The following NAA10 variants were observed in gnomAD, a reference collection of about 807,000 sequenced individuals.
NAA10 encodes N-alpha-acetyltransferase 10, NatA catalytic subunit, also known as N-alpha-acetyltransferase 10.
A neutral mutation model predicts 19.2 loss-of-function variants in NAA10; 6 were observed. The ratio of observed to expected loss-of-function variants is 0.31; its 90% CI spans 0.17 to 0.62. The LOEUF is 0.62. NAA10 is among the 20% of genes least tolerant of loss of function. The pLI is 0.83. For synonymous variants in NAA10, 97 were observed against 79.9 expected, an observed-to-expected ratio of 1.21 and a Z score of -1.14; for missense variants, 101 against 198.4, an observed-to-expected ratio of 0.51 and a Z score of 2.95.
chrX:153,932,734 G>A, intron 3 of NAA10, 150 bp from the exon 4 acceptor site: 1 of 549,605 alleles, frequency 1.8e-6, no homozygotes, highest in Non-Finnish European at 3.1e-6. Flanking sequence ...CAGAGCAGCC[G>A]ATCCTGCCAC....
intron 2 of NAA10, 99 bp from the exon 3 acceptor site, chrX:153,934,100 C>T: frequency 1.2e-6 from 1 of 818,616 alleles, no homozygotes. Context: ...TGTGATGGCT[C>T]ATGACCTCCG....
At position 153,933,924 on chromosome X, in the gene NAA10, T is replaced by C; in HGVS notation, c.179+19A>G. ...CCACCAGACACGTGTAGCTTCTGTC[T>C]TCCTCCTTGGTGACTCACATTTTGG... On this transcript the variant is annotated intron_variant, in intron 3 of 7. Coordinates refer to ENST00000464845, the MANE Select transcript of NAA10 (RefSeq NM_003491.4). 8.3e-7 allele frequency: 1 copy of C among 1,203,373 alleles called. No individual in the cohort carries two copies. Among genetic ancestry groups the C allele is most frequent in the Non-Finnish European group, 1.1e-6 (1 of 887,761 alleles).
At chrX:153,934,834 C>G (rs1426232271) in intron 1 of NAA10, 50 bp downstream of exon 1, 110 of 979,305 alleles carry the variant, frequency 1.1e-4, no homozygotes, top group Non-Finnish European at 1.2e-4. Context: ...CGGCAGCCAC[C>G]CGGCCCGGCG....
In NAA10 at chrX:153,932,404, C is replaced by T; in HGVS notation, c.253G>A (p.Gly85Ser). 1 of 1,211,724 alleles carries T rather than the reference C, an allele frequency of 8.3e-7. No individual in the cohort carries two copies. Among genetic ancestry groups the T allele is most frequent in the Non-Finnish European group, 1.1e-6 (1 of 895,353 alleles). Residue 85 changes from glycine (G) to serine (S), a missense_variant, in exon 5 of 8, where the codon GGT becomes AGT. By Grantham distance (56) the Gly-to-Ser change is moderately conservative (BLOSUM62 0). This residue lies in a region of NAA10 where 43 missense variants were observed against 122.6 expected (regional missense o/e 0.35). Coordinates refer to ENST00000464845, the MANE Select transcript of NAA10 (RefSeq NM_003491.4). Reference sequence around the variant, plus strand: ...TGGTCCATCAGTTTCTGAGCCAGACCGAGGCGCCGGTGGGAACGCTTCACA... The same window carrying T: ...TGGTCCATCAGTTTCTGAGCCAGACTGAGGCGCCGGTGGGAACGCTTCACA... ...LAVKRSHRRL[G>S]LAQKLMDQAS...
intron 6 of NAA10, chrX:153,931,053 C>T: frequency 1.8e-6 from 2 of 1,137,178 alleles, no homozygotes; most frequent in Non-Finnish European, 2.3e-6. Flanking sequence ...CCGTCCTGCC[C>T]CCGTTCTGTG....
intron 6 of NAA10, 119 bp downstream of exon 6, chrX:153,931,952 C>T (rs1806521559): frequency 1.7e-6 from 2 of 1,202,615 alleles, no homozygotes; most frequent in Non-Finnish European, 1.1e-6. Flanking sequence ...GGGTCCACAG[C>T]CTCTTCCCCA....
rs987107764 is a variant in NAA10, at chrX:153,931,206, G to A, written c.387-359C>T. ...ACAGCCATCAGAACCCAGGAAAGAC[G>A]GTGAGCCCTGCCTGAGCAGCTCTGG... On this transcript the variant is annotated intron_variant, in intron 6 of 7. Transcript: ENST00000464845. The A allele has an allele frequency of 2.8e-5, 26 of 935,219 alleles. No homozygotes were observed. The East Asian group carries it at 1.4e-3, about 49-fold the overall frequency. 77.1% of individuals were successfully genotyped at this position (935,219 alleles called of 1,213,427 possible). A position where few individuals can be genotyped will look rare whatever the true frequency, so the allele number is the denominator to read the frequency against.
chrX:153,932,524 G>A lies in NAA10; in HGVS notation c.225+15C>T, dbSNP rs1469702824. The A allele has an allele frequency of 8.3e-7, 1 of 1,204,434 alleles. No homozygotes were observed. The highest frequency in any genetic ancestry group is 1.1e-6 in the Non-Finnish European group (1 of 891,508). ...CTTCCACCCCCACCAGAGAGCCTGG[G>A]TGGACCTTACATACCAATGAGGTGA... is the stretch of plus-strand genomic sequence containing the variant. On this transcript the variant is annotated intron_variant, in intron 4 of 7. Transcript: ENST00000464845.
intron 6 of NAA10, chrX:153,931,053 C>A: frequency 8.8e-7 from 1 of 1,137,178 alleles, no homozygotes; most frequent in East Asian, 3.3e-5. Context: ...CCGTCCTGCC[C>A]CCGTTCTGTG....
At chrX:153,932,666 G>T in intron 3 of NAA10, 82 bp from the exon 4 acceptor site, 1 of 912,163 alleles carries the variant, frequency 1.1e-6, no homozygotes, top group Non-Finnish European at 1.6e-6. Flanking sequence ...TTGTAGAGTG[G>T]ACATGCACTA....
rs782427891 is a variant in NAA10 at position 153,930,116 on chromosome X, G to A, written c.579C>T (p.Ala193=). The change falls in exon 8 of 8, where the codon GCC becomes GCT. Residue 193 remains alanine, a synonymous_variant. Coordinates refer to ENST00000464845, the MANE Select transcript of NAA10 (RefSeq NM_003491.4). ...CAGCCAGGCCCTTCTCCTCGCGACA[G>A]GCCTCTCCTGAGCTCGGAGGTGAAT... ...KGNSPPSSGE[A]CREEKGLAAE... The A allele has an allele frequency of 8.3e-7, 1 of 1,211,252 alleles. No individual in the cohort carries two copies. The highest frequency in any genetic ancestry group is 1.8e-5 in the South Asian group (1 of 56,918).
chrX:153,934,239 G>A lies in NAA10; in HGVS notation c.120+138C>T. The A allele has an allele frequency of 3.3e-6, 2 of 609,595 alleles. No homozygotes were observed. The highest frequency in any genetic ancestry group is 5.4e-6 in the Non-Finnish European group (2 of 368,308). The allele number at this position is 609,595 out of a possible 1,213,427, so 50.2% of individuals were successfully genotyped here. Reference sequence around the variant, plus strand: ...GCCTTCTTTTCCTTTGCCCCTGTCTGCCAGCTGAAAACACCCAGGACGCCA... The same window carrying A: ...GCCTTCTTTTCCTTTGCCCCTGTCTACCAGCTGAAAACACCCAGGACGCCA... On this transcript the variant is annotated intron_variant, in intron 2 of 7. Transcript: ENST00000464845.
At chrX:153,934,678 C>G (rs2065186900) in intron 1 of NAA10, 2 of 570,618 alleles carry the variant, frequency 3.5e-6, no homozygotes, top group Non-Finnish European at 5.6e-6. Context: ...AACGGAGGCC[C>G]GACATCACGC....
chrX:153,932,824 A>T (rs2065174500), intron 3 of NAA10: 1 of 430,770 alleles, frequency 2.3e-6, no homozygotes, highest in African/African-American at 2.5e-5. Flanking sequence ...GGCCGGGGCA[A>T]GAGGACTGCT....
chrX:153,930,649 T>C, intron 7 of NAA10, 114 bp downstream of exon 7: 1 of 816,302 alleles, frequency 1.2e-6, no homozygotes. Context: ...TCGTGACTCC[T>C]GGCAACGTAG....
At chrX:153,933,421 G>A (rs1426034081) in intron 3 of NAA10, among the ~76,000 whole-genome samples, 3 of 112,187 alleles carry the variant, frequency 2.7e-5, no homozygotes, top group Non-Finnish European at 5.6e-5. Context: ...TGTAATCCTA[G>A]CACTTTGGGA....
Position 153,932,056 on chromosome X carries a change from T to A in NAA10, c.386+15A>T, listed in dbSNP as rs781814193. The stretch of plus-strand genomic sequence containing the variant: ...GATCAACCCCAGCCCATTAGAAAAA[T>A]CGAGATCTACTTACTGAAAGTTGAG... On this transcript the variant is annotated intron_variant, in intron 6 of 7. Transcript: ENST00000464845. 21 of 1,209,313 alleles carry A rather than the reference T, an allele frequency of 1.7e-5. No individual in the cohort carries two copies. Among genetic ancestry groups the A allele is most frequent in the Middle Eastern group, 4.6e-4 (2 of 4,342 alleles).
At chrX:153,934,037 T>C (rs1557107851) in intron 2 of NAA10, 36 bp from the exon 3 acceptor site, 1 of 1,166,348 alleles carries the variant, frequency 8.6e-7, no homozygotes, top group Admixed American at 2.2e-5. Flanking sequence ...AAACTTCTTG[T>C]CGGAGCTAGA....
At chrX:153,930,584 C>G in intron 7 of NAA10, 179 bp downstream of exon 7, 1 of 504,102 alleles carries the variant, frequency 2.0e-6, no homozygotes, top group South Asian at 2.9e-5. Flanking sequence ...CTCCCATCAC[C>G]CTCCAGGCTG....
Sources: allele counts gnomAD v4.1 joint callset (sites outside exome capture counted in the v4.1 genomes callset), GRCh38; gene constraint gnomAD v4.1.1; regional missense constraint gnomAD v4.1.1; transcripts MANE v1.5; gene names NCBI Gene and HGNC (gene_info 2026-07-23, HGNC 2026-07-21).